CAAP1: variants seen among roughly 807,000 people sequenced by gnomAD.
CAAP1 encodes conserved anti-apoptotic protein.
A neutral mutation model predicts 34.0 loss-of-function variants in CAAP1; 20 were observed. The ratio of observed to expected loss-of-function variants is 0.59; its 90% CI spans 0.41 to 0.86. The LOEUF (loss-of-function observed/expected upper bound fraction) is 0.86. Ranked by LOEUF, CAAP1 falls within the 40% of genes least tolerant of loss-of-function variation. The probability of loss-of-function intolerance (pLI) is 0.00; values close to 1 mark genes in which losing one functional copy is unlikely to be tolerated. For synonymous variants in CAAP1, 213 were observed against 166.7 expected (o/e 1.28, Z -2.14); for missense variants, 538 against 450.5 (o/e 1.19, Z -1.76).
chr9:26,845,097 C>T (rs895563232), intron 5 of CAAP1, among the ~76,000 whole-genome samples: 19 of 152,170 alleles, frequency 1.2e-4, no homozygotes, highest in African/African-American at 4.6e-4. Flanking sequence ...CTGCTACTGT[C>T]TTCTTATCCT....
intron 5 of CAAP1, among the ~76,000 whole-genome samples, chr9:26,856,990 G>GA (rs1822884926): frequency 6.6e-6 from 1 of 152,138 alleles, no homozygotes; most frequent in Admixed American, 6.5e-5. Flanking sequence ...TTTAAATACA[G>GA]ACCAATATTT....
intron 4 of CAAP1, among the ~76,000 whole-genome samples, chr9:26,873,582 A>G (rs1823333027): frequency 6.6e-6 from 1 of 152,192 alleles, no homozygotes; most frequent in African/African-American, 2.4e-5. Flanking sequence ...TAATCATCTA[A>G]CATTACAGGC....
intron 5 of CAAP1, among the ~76,000 whole-genome samples, chr9:26,848,724 T>G (rs1486654015): frequency 6.6e-6 from 1 of 152,196 alleles, no homozygotes; most frequent in African/African-American, 2.4e-5. Flanking sequence ...GGCACACTCC[T>G]TTTTATTTAT....
chr9:26,879,142 G>T (rs758805577), intron 4 of CAAP1, among the ~76,000 whole-genome samples: 8 of 152,132 alleles, frequency 5.3e-5, no homozygotes, highest in Admixed American at 1.3e-4. Flanking sequence ...GAAAATCACT[G>T]CATTTAAGAA....
intron 4 of CAAP1, among the ~76,000 whole-genome samples, chr9:26,870,743 A>G (rs1051376206): frequency 2.0e-5 from 3 of 151,600 alleles, no homozygotes; most frequent in South Asian, 2.1e-4. Context: ...CAGTCTCCCA[A>G]GTAGACGGGA....
At chr9:26,851,173 A>G (rs1258880123) in intron 5 of CAAP1, among the ~76,000 whole-genome samples, 1 of 152,220 alleles carries the variant, frequency 6.6e-6, no homozygotes, top group Non-Finnish European at 1.5e-5. Context: ...AATGTATGGC[A>G]TTATACTTTA....
At chr9:26,874,767 G>C (rs1036942166) in intron 4 of CAAP1, among the ~76,000 whole-genome samples, 1 of 151,836 alleles carries the variant, frequency 6.6e-6, no homozygotes, top group Non-Finnish European at 1.5e-5. Context: ...GTAAAAAGGA[G>C]CTATCTTAAG....
Position 26,847,195 on chromosome 9 carries a change from A to AAT in CAAP1, c.740-4550_740-4549dup, listed in dbSNP as rs1411848935. 5.9e-3 allele frequency among the ~76,000 whole-genome samples: 546 copies of AAT among 92,570 alleles called. 8 individuals carry two copies. Among genetic ancestry groups the AAT allele is most frequent in the African/African-American group, 0.019 (510 of 27,254 alleles). The allele number at this position is 92,570 out of a possible 152,430, so 60.7% of individuals were successfully genotyped here. Reference sequence around the variant, plus strand: ...TCGTTTTTACTAGTAAGTAAAAAGCAATATTTTTTTTTTTTTTTTTTTTTT... The same window carrying AAT: ...TCGTTTTTACTAGTAAGTAAAAAGCAATATATTTTTTTTTTTTTTTTTTTTTT... On this transcript the variant is annotated intron_variant, in intron 5 of 5. Transcript: ENST00000333916.
chr9:26,876,436 G>A (rs1823430644), intron 4 of CAAP1, among the ~76,000 whole-genome samples: 2 of 151,012 alleles, frequency 1.3e-5, no homozygotes, highest in Non-Finnish European at 2.9e-5. Context: ...TGGGTGAGGG[G>A]GAGGTCATTA....
intron 4 of CAAP1, among the ~76,000 whole-genome samples, chr9:26,881,710 G>T (rs1013427530): frequency 6.6e-6 from 1 of 152,184 alleles, no homozygotes; most frequent in Non-Finnish European, 1.5e-5. Context: ...GTAGAGTGGG[G>T]CACTGCTGTA....
At chr9:26,876,720 A>G (rs1823442619) in intron 4 of CAAP1, among the ~76,000 whole-genome samples, 1 of 152,178 alleles carries the variant, frequency 6.6e-6, no homozygotes, top group Non-Finnish European at 1.5e-5. Flanking sequence ...GTAGCAGGCT[A>G]TAGTTTAAGC....
At chr9:26,891,971 T>C (rs1285951619) in intron 1 of CAAP1, among the ~76,000 whole-genome samples, 1 of 152,220 alleles carries the variant, frequency 6.6e-6, no homozygotes, top group Non-Finnish European at 1.5e-5. Context: ...ACCTAGGAGC[T>C]ATTAACAAAC....
At chr9:26,877,821 T>G (rs963141898) in intron 4 of CAAP1, among the ~76,000 whole-genome samples, 9 of 151,994 alleles carry the variant, frequency 5.9e-5, no homozygotes, top group Non-Finnish European at 1.0e-4. Flanking sequence ...TTTCCTGTAT[T>G]TATTACATAT....
chr9:26,878,544 C>T (rs1823503100), intron 4 of CAAP1, among the ~76,000 whole-genome samples: 2 of 152,198 alleles, frequency 1.3e-5, no homozygotes, highest in South Asian at 2.1e-4. Context: ...CTATCTTCAA[C>T]TTATAAAATG....
intron 5 of CAAP1, among the ~76,000 whole-genome samples, chr9:26,852,966 A>C (rs915014622): frequency 6.6e-6 from 1 of 152,196 alleles, no homozygotes; most frequent in African/African-American, 2.4e-5. Context: ...GTGCTAGAAG[A>C]AAGCAAGGAG....
chr9:26,886,819 C>T (rs1277261585), intron 2 of CAAP1, among the ~76,000 whole-genome samples: 1 of 152,138 alleles, frequency 6.6e-6, no homozygotes, highest in Admixed American at 6.5e-5. Flanking sequence ...TTCTTCGTGG[C>T]AAATTTTTAA....
chr9:26,885,233 C>T lies in CAAP1; in HGVS notation c.590-348G>A, dbSNP rs570253022. Among the ~76,000 whole-genome samples the T allele has an allele frequency of 5.3e-5, 8 of 151,964 alleles. No individual in the cohort carries two copies. The South Asian group carries it at 8.3e-4, about 16-fold the overall frequency. Reference sequence around the variant, plus strand: ...CTGGGACTACAGGCGCCCGCCACCACGCCCGGCTAATTTTTGTATTTTTAG... The same window carrying T: ...CTGGGACTACAGGCGCCCGCCACCATGCCCGGCTAATTTTTGTATTTTTAG... On this transcript the variant is annotated intron_variant, in intron 3 of 5. Coordinates refer to ENST00000333916, the MANE Select transcript of CAAP1 (RefSeq NM_024828.4).
chr9:26,844,501 C>T (rs972734208), intron 5 of CAAP1, among the ~76,000 whole-genome samples: 5 of 152,016 alleles, frequency 3.3e-5, no homozygotes, highest in Admixed American at 1.3e-4. Context: ...TTTTAAAATA[C>T]AAATTTTTGA....
chr9:26,860,278 G>C (rs1403648331), intron 5 of CAAP1, among the ~76,000 whole-genome samples: 1 of 152,148 alleles, frequency 6.6e-6, no homozygotes, highest in African/African-American at 2.4e-5. Context: ...AATGTACTTG[G>C]CTTGAATAAA....
Sources: allele counts gnomAD v4.1 joint callset (sites outside exome capture counted in the v4.1 genomes callset), GRCh38; gene constraint gnomAD v4.1.1; transcripts MANE v1.5; gene names NCBI Gene and HGNC (gene_info 2026-07-23, HGNC 2026-07-21).